Variants in KANSL1 observed in about 807,000 individuals in gnomAD.
KANSL1 encodes the protein MLL1/MLL complex subunit KANSL1.
KANSL1 carries 22 observed loss-of-function variants against 103.6 expected under a neutral mutation model. The ratio of observed to expected loss-of-function variants is 0.21; its 90% CI spans 0.15 to 0.30. The LOEUF is 0.30. KANSL1 is among the 10% of genes least tolerant of loss of function. KANSL1 has a pLI of 1.00. For missense variants in KANSL1, 1,337 were observed against 1,399.8 expected (o/e 0.96, Z 0.72); for synonymous variants, 600 against 527.6 (o/e 1.14, Z -1.88).
chr17:46,099,475 A>G (rs1291632313), intron 2 of KANSL1, among the ~76,000 whole-genome samples: 1 of 152,248 alleles, frequency 6.6e-6, no homozygotes, highest in Non-Finnish European at 1.5e-5. Flanking sequence ...CACATTGAAC[A>G]TTAGGGACAT....
At chr17:46,104,408 C>T (rs1325443104) in intron 2 of KANSL1, among the ~76,000 whole-genome samples, 1 of 152,188 alleles carries the variant, frequency 6.6e-6, no homozygotes, top group Admixed American at 6.5e-5. Context: ...CACTCTTTGT[C>T]CTCTTCAAGC....
intron 4 of KANSL1, among the ~76,000 whole-genome samples, chr17:46,077,933 CTTTT>C (rs55833124): frequency 6.6e-6 from 1 of 151,408 alleles, no homozygotes; most frequent in African/African-American, 2.4e-5. Flanking sequence ...TTTTTTCCAT[CTTTT>C]TTTTTCTTTT....
At chr17:46,126,034 AG>A (rs2043540606) in intron 2 of KANSL1, among the ~76,000 whole-genome samples, 1 of 152,368 alleles carries the variant, frequency 6.6e-6, no homozygotes, top group African/African-American at 2.4e-5. Flanking sequence ...CAGTACCAGT[AG>A]GAATTCAAAC....
intron 1 of KANSL1, among the ~76,000 whole-genome samples, chr17:46,185,666 T>TATAC (rs1476995924): frequency 6.2e-5 from 9 of 146,118 alleles, no homozygotes; most frequent in Non-Finnish European, 7.4e-5. Context: ...CATATATATA[T>TATAC]ACACATATAT....
intron 2 of KANSL1, among the ~76,000 whole-genome samples, chr17:46,095,052 G>C (rs1339934195): frequency 6.6e-6 from 1 of 151,972 alleles, no homozygotes; most frequent in Non-Finnish European, 1.5e-5. Flanking sequence ...CTGACACTAA[G>C]AATTATTAAA....
chr17:46,151,305 C>T (rs1452052602), intron 2 of KANSL1, among the ~76,000 whole-genome samples: 1 of 152,234 alleles, frequency 6.6e-6, no homozygotes, highest in Non-Finnish European at 1.5e-5. Context: ...ACAAACCGGG[C>T]TCAGTCCCAT....
chr17:46,085,016 C>T (rs2079113587), intron 3 of KANSL1, among the ~76,000 whole-genome samples: 1 of 152,088 alleles, frequency 6.6e-6, no homozygotes, highest in Non-Finnish European at 1.5e-5. Flanking sequence ...CAAAGCATGC[C>T]AAAAATCATT....
At chr17:46,106,700 T>C (rs995600513) in intron 2 of KANSL1, among the ~76,000 whole-genome samples, 1 of 152,150 alleles carries the variant, frequency 6.6e-6, no homozygotes, top group Non-Finnish European at 1.5e-5. Flanking sequence ...GCTGAGACCA[T>C]ATTTTCAGAA....
chr17:46,220,570 G>A (rs977940075), intron 1 of KANSL1, among the ~76,000 whole-genome samples: 33 of 152,384 alleles, frequency 2.2e-4, no homozygotes, highest in Admixed American at 6.5e-4. Context: ...ATCAGAAAGT[G>A]TAAAAAGATA....
chr17:46,176,298 C>T (rs1218370156), intron 1 of KANSL1, among the ~76,000 whole-genome samples: 1 of 152,238 alleles, frequency 6.6e-6, no homozygotes, highest in Non-Finnish European at 1.5e-5. Flanking sequence ...ATTAACATCA[C>T]ATCACAGAAG....
At chr17:46,052,794 T>TAAAAAAA (rs35162336) in intron 6 of KANSL1, among the ~76,000 whole-genome samples, 4 of 118,306 alleles carry the variant, frequency 3.4e-5, no homozygotes, top group East Asian at 2.5e-4. Context: ...AATTTAAAAT[T>TAAAAAAA]AAAAAAAAAA....
intron 4 of KANSL1, among the ~76,000 whole-genome samples, chr17:46,069,029 G>A (rs1342225250): frequency 6.6e-6 from 1 of 152,128 alleles, no homozygotes; most frequent in Non-Finnish European, 1.5e-5. Context: ...TGGTTCAAGC[G>A]ATTCTCCTGC....
At chr17:46,105,865 T>TCACA (rs373943708) in intron 2 of KANSL1, among the ~76,000 whole-genome samples, 1,738 of 134,608 alleles carry the variant, frequency 0.013, 34 homozygotes, top group African/African-American at 0.043. Flanking sequence ...AGCAAGACCT[T>TCACA]CACACACACA....
chr17:46,218,427 C>T (rs1172262843), intron 1 of KANSL1, among the ~76,000 whole-genome samples: 1 of 152,236 alleles, frequency 6.6e-6, no homozygotes, highest in Non-Finnish European at 1.5e-5. Flanking sequence ...TGAGCTTACC[C>T]AGTATCACAT....
chr17:46,126,944 C>T (rs1255247031), intron 2 of KANSL1, among the ~76,000 whole-genome samples: 4 of 152,180 alleles, frequency 2.6e-5, no homozygotes, highest in Non-Finnish European at 4.4e-5. Flanking sequence ...CCAGTAACAT[C>T]CAGCTGGATT....
chr17:46,211,151 A>T (rs1001930425), intron 1 of KANSL1, among the ~76,000 whole-genome samples: 1 of 151,144 alleles, frequency 6.6e-6, no homozygotes, highest in Non-Finnish European at 1.5e-5. Flanking sequence ...TACTTAAAAG[A>T]CTCATGCCTT....
At chr17:46,125,113 G>GGAGA (rs1327285203) in intron 2 of KANSL1, among the ~76,000 whole-genome samples, 8 of 110,456 alleles carry the variant, frequency 7.2e-5, no homozygotes, top group African/African-American at 2.7e-4. Flanking sequence ...AGGGAGGGAG[G>GGAGA]GAGGGAGGGA....
Position 46,171,524 on chromosome 17 carries a change from T to G in KANSL1, c.620A>C (p.Asn207Thr). 1 of 1,613,834 alleles carries G rather than the reference T, an allele frequency of 6.2e-7. No individual in the cohort carries two copies. The highest frequency in any genetic ancestry group is 1.3e-5 in the African/African-American group (1 of 74,988). Residue 207 changes from asparagine (N) to threonine (T), a missense_variant, in exon 2 of 15, where the codon AAT becomes ACT. Coordinates refer to ENST00000432791, the MANE Select transcript of KANSL1 (RefSeq NM_015443.4). ...ESGDLKGGMTNCTLPHRSLDV... is the reference protein window; with the variant it reads ...ESGDLKGGMTTCTLPHRSLDV... ...AAGGCTTCTATGTGGAAGAGTGCAA[T>G]TGGTCATACCCCCCTTCAAGTCCCC...
intron 1 of KANSL1, among the ~76,000 whole-genome samples, chr17:46,178,821 A>G (rs1291799611): frequency 6.6e-6 from 1 of 152,208 alleles, no homozygotes; most frequent in Non-Finnish European, 1.5e-5. Context: ...ACATCTATTA[A>G]TATCAAGCAG....
Sources: allele counts gnomAD v4.1 joint callset (sites outside exome capture counted in the v4.1 genomes callset), GRCh38; gene constraint gnomAD v4.1.1; transcripts MANE v1.5; gene names NCBI Gene and HGNC (gene_info 2026-07-23, HGNC 2026-07-21).